GPM6A: variants seen among roughly 807,000 people sequenced by gnomAD.
The protein encoded by GPM6A is neuronal membrane glycoprotein M6-a.
A neutral mutation model predicts 32.1 loss-of-function variants in GPM6A; 7 were observed. The ratio of observed to expected loss-of-function variants is 0.22; its 90% CI spans 0.12 to 0.41. The LOEUF (loss-of-function observed/expected upper bound fraction) is 0.41, where lower values mean the gene tolerates loss of function less well. GPM6A is among the 10% of genes least tolerant of loss of function. The probability of loss-of-function intolerance (pLI) is 1.00; values close to 1 mark genes in which losing one functional copy is unlikely to be tolerated. For missense variants in GPM6A, 235 were observed against 347.2 expected, an observed-to-expected ratio of 0.68 and a Z score of 2.57; for synonymous variants, 130 against 123.4, an observed-to-expected ratio of 1.05 and a Z score of -0.35.
At chr4:175,755,702 C>T (rs759733792) in intron 1 of GPM6A, among the ~76,000 whole-genome samples, 1 of 152,126 alleles carries the variant, frequency 6.6e-6, no homozygotes, top group African/African-American at 2.4e-5. Context: ...CAGACAATTG[C>T]CTGGGAATAG....
At chr4:175,684,293 G>A (rs938021892) in intron 2 of GPM6A, among the ~76,000 whole-genome samples, 1 of 152,124 alleles carries the variant, frequency 6.6e-6, no homozygotes, top group Non-Finnish European at 1.5e-5. Context: ...TTTAAAAAAA[G>A]AGAAATTATA....
At chr4:175,899,993 A>G (rs912485768) in intron 1 of GPM6A, among the ~76,000 whole-genome samples, 2 of 152,098 alleles carry the variant, frequency 1.3e-5, no homozygotes, top group Admixed American at 1.3e-4. Context: ...TAATAACCAG[A>G]ATATGGCCAG....
chr4:175,950,135 C>T (rs1739757932), intron 1 of GPM6A, among the ~76,000 whole-genome samples: 1 of 152,108 alleles, frequency 6.6e-6, no homozygotes, highest in Admixed American at 6.5e-5. Flanking sequence ...ATTATATACA[C>T]TTTGACAAAG....
intron 1 of GPM6A, among the ~76,000 whole-genome samples, chr4:175,979,940 T>C (rs1047347304): frequency 1.3e-5 from 2 of 152,224 alleles, no homozygotes; most frequent in African/African-American, 4.8e-5. Flanking sequence ...TTTACTATTT[T>C]GCCCTGACTA....
At chr4:175,735,743 G>A (rs532607133) in intron 1 of GPM6A, among the ~76,000 whole-genome samples, 1 of 152,140 alleles carries the variant, frequency 6.6e-6, no homozygotes, top group South Asian at 2.1e-4. Flanking sequence ...TGTATTTTTA[G>A]TGGAGACTGG....
upstream of GPM6A, chr4:176,002,351 G>A (rs1382946250): frequency 3.2e-6 from 5 of 1,580,850 alleles, no homozygotes; most frequent in Admixed American, 1.8e-5. Flanking sequence ...CCAGAGGAGA[G>A]CGAGTGACCA....
chr4:175,948,957 AAG>A (rs1491416878), intron 1 of GPM6A, among the ~76,000 whole-genome samples: 6 of 73,890 alleles, frequency 8.1e-5, no homozygotes, highest in African/African-American at 2.6e-4. Flanking sequence ...ATTTGGTGGT[AAG>A]TGTGTGTGTG....
intron 1 of GPM6A, among the ~76,000 whole-genome samples, chr4:175,894,941 A>G (rs979946324): frequency 2.0e-5 from 3 of 152,168 alleles, no homozygotes; most frequent in Non-Finnish European, 4.4e-5. Context: ...TCAAAACACT[A>G]TTACTGTAAC....
chr4:175,938,363 C>T (rs1739304166), intron 1 of GPM6A, among the ~76,000 whole-genome samples: 2 of 152,154 alleles, frequency 1.3e-5, no homozygotes, highest in South Asian at 4.1e-4. Context: ...AATTACACTC[C>T]CACCAACAGT....
intron 1 of GPM6A, among the ~76,000 whole-genome samples, chr4:175,736,226 G>A (rs1731654128): frequency 6.6e-6 from 1 of 152,008 alleles, no homozygotes; most frequent in South Asian, 2.1e-4. Flanking sequence ...ATGTTGCTCA[G>A]GCTGGTCTGC....
chr4:175,851,075 C>A (rs1459315661), intron 1 of GPM6A, among the ~76,000 whole-genome samples: 10 of 152,082 alleles, frequency 6.6e-5, no homozygotes, highest in African/African-American at 2.4e-4. Context: ...ACTGTAGCCT[C>A]CAGCTGGGCA....
At chr4:175,934,572 T>C (rs1739159959) in intron 1 of GPM6A, among the ~76,000 whole-genome samples, 1 of 152,218 alleles carries the variant, frequency 6.6e-6, no homozygotes, top group South Asian at 2.1e-4. Flanking sequence ...AACACTAAAA[T>C]GTATTTTGTT....
intron 1 of GPM6A, among the ~76,000 whole-genome samples, chr4:175,724,997 C>T (rs753233192): frequency 6.6e-6 from 1 of 152,166 alleles, no homozygotes; most frequent in Non-Finnish European, 1.5e-5. Context: ...TCTTCCCTTA[C>T]ATATCTCCTG....
intron 1 of GPM6A, among the ~76,000 whole-genome samples, chr4:175,852,921 T>C (rs958448057): frequency 3.3e-5 from 5 of 152,172 alleles, no homozygotes; most frequent in African/African-American, 1.2e-4. Flanking sequence ...GATTATGTAA[T>C]GTCCAGCAAA....
At chr4:176,000,927 T>C (rs181232949) in intron 1 of GPM6A, among the ~76,000 whole-genome samples, 1 of 152,212 alleles carries the variant, frequency 6.6e-6, no homozygotes, top group Admixed American at 6.5e-5. Context: ...AGAAAACATT[T>C]AAAGACAGTC....
chr4:175,660,618 C>T (rs1248025669), intron 3 of GPM6A, among the ~76,000 whole-genome samples: 1 of 152,024 alleles, frequency 6.6e-6, no homozygotes, highest in Non-Finnish European at 1.5e-5. Context: ...AATATAATCA[C>T]AATTTTTTAA....
At chr4:175,830,691 G>A (rs181380588) in intron 1 of GPM6A, among the ~76,000 whole-genome samples, 1 of 152,150 alleles carries the variant, frequency 6.6e-6, no homozygotes, top group Non-Finnish European at 1.5e-5. Flanking sequence ...AATAAAGAGT[G>A]TATAAATAAA....
At chr4:175,682,719 C>T (rs887895735) in intron 2 of GPM6A, among the ~76,000 whole-genome samples, 2 of 152,260 alleles carry the variant, frequency 1.3e-5, no homozygotes, top group East Asian at 3.9e-4. Flanking sequence ...TCAGAGGGTG[C>T]AAGCCATAAG....
chr4:175,917,149 T>A (rs1055096794), intron 1 of GPM6A, among the ~76,000 whole-genome samples: 2 of 152,124 alleles, frequency 1.3e-5, no homozygotes, highest in Non-Finnish European at 2.9e-5. Context: ...CTGGCCTTGC[T>A]ACCTTTCCTC....
Sources: allele counts gnomAD v4.1 joint callset (sites outside exome capture counted in the v4.1 genomes callset), GRCh38; gene constraint gnomAD v4.1.1; transcripts MANE v1.5; gene names NCBI Gene and HGNC (gene_info 2026-07-23, HGNC 2026-07-21).